Variants in SH2D3C observed in about 807,000 individuals in gnomAD.
SH2D3C encodes the protein SH2 domain-containing protein 3C.
SH2D3C carries 25 observed loss-of-function variants against 75.2 expected under a neutral mutation model. The ratio of observed to expected loss-of-function variants is 0.33; its 90% CI spans 0.24 to 0.46. The LOEUF (loss-of-function observed/expected upper bound fraction) is 0.46, where lower values mean the gene tolerates loss of function less well. Ranked by LOEUF, SH2D3C falls within the 20% of genes least tolerant of loss-of-function variation. The pLI is 1.00. For missense variants in SH2D3C, 933 were observed against 1,165.3 expected, an observed-to-expected ratio of 0.80 and a Z score of 2.90; for synonymous variants, 450 against 473.7, an observed-to-expected ratio of 0.95 and a Z score of 0.65.
In SH2D3C at chr9:127,740,291, T is replaced by G; in HGVS notation, c.2167A>C (p.Lys723Gln). Residue 723 changes from lysine to glutamine, a missense_variant, in exon 10 of 12, where the codon AAG (lysine) becomes CAG (glutamine). Lys to Gln is a moderately conservative substitution (Grantham distance 53). Coordinates refer to ENST00000314830, the MANE Select transcript of SH2D3C (RefSeq NM_170600.3). Reference protein sequence around the residue: ...EGAILYEKKLKPFLKSLNEGK... With the variant: ...EGAILYEKKLQPFLKSLNEGK... ...TCGTTGAGGCTCTTGAGAAAAGGCT[T>G]GAGCTTCTTCTCGTACAGGATGGCA... 1 of 1,614,096 alleles carries G rather than the reference T, an allele frequency of 6.2e-7. No individual in the cohort carries two copies. Among genetic ancestry groups the G allele is most frequent in the Non-Finnish European group, 8.5e-7 (1 of 1,179,980 alleles).
chr9:127,758,008 G>A (rs1293252413), intron 3 of SH2D3C, among the ~76,000 whole-genome samples: 5 of 152,176 alleles, frequency 3.3e-5, no homozygotes, highest in Non-Finnish European at 2.9e-5. Flanking sequence ...TGGCCAGGGT[G>A]TTCTCAAACT....
chr9:127,756,194 C>A (rs1052292774), intron 3 of SH2D3C, among the ~76,000 whole-genome samples: 1 of 152,192 alleles, frequency 6.6e-6, no homozygotes, highest in Admixed American at 6.5e-5. Context: ...CCCAGCTACT[C>A]AGGAGGCTGA....
At chr9:127,777,948 G>A (rs1829055996) in intron 1 of SH2D3C, among the ~76,000 whole-genome samples, 3 of 148,798 alleles carry the variant, frequency 2.0e-5, no homozygotes, top group African/African-American at 5.1e-5. Context: ...ACCCACCCCG[G>A]TCTCTAAAAA....
intron 3 of SH2D3C, 26 bp downstream of exon 3, chr9:127,761,585 A>C: frequency 6.3e-7 from 1 of 1,587,944 alleles, no homozygotes; most frequent in Non-Finnish European, 8.6e-7. Flanking sequence ...GTGTCCTCTG[A>C]CCAACCCCTG....
chr9:127,767,460 G>A, intron 2 of SH2D3C: 1 of 268,150 alleles, frequency 3.7e-6, no homozygotes, highest in Non-Finnish European at 5.7e-6. Context: ...TACATGGGCG[G>A]ACTCCCCCAG....
chr9:127,766,903 A>C lies in SH2D3C; in HGVS notation c.516-5253T>G, dbSNP rs531596747. On this transcript the variant is annotated intron_variant, in intron 2 of 11. Transcript: ENST00000314830. ...CCTTCACGCCCATCTTCACTCACCC[A>C]CCGCAGAGAAGCAACGGGCACCTGC... is the stretch of plus-strand genomic sequence containing the variant. 1.2e-5 allele frequency: 18 copies of C among 1,525,028 alleles called. No individual in the cohort carries two copies. In the African/African-American group the frequency reaches 2.1e-4, roughly 17 times the overall value. 94.5% of individuals were successfully genotyped at this position (1,525,028 alleles called of 1,614,324 possible).
chr9:127,771,966 T>C (rs557738497), intron 2 of SH2D3C, among the ~76,000 whole-genome samples: 1 of 152,336 alleles, frequency 6.6e-6, no homozygotes, highest in Non-Finnish European at 1.5e-5. Context: ...TAGATGCTAT[T>C]GTTACGTCCA....
chr9:127,741,778 C>T lies in SH2D3C; in HGVS notation c.2088+10G>A. On this transcript the variant is annotated intron_variant, in intron 9 of 11. Coordinates refer to ENST00000314830, the MANE Select transcript of SH2D3C (RefSeq NM_170600.3). ...TCTACCGGGTGCCAGCTCTGCGCGG[C>T]TCTCAGTACCTGGGCCATGTCCAGG... 1 of 1,612,252 alleles carries T rather than the reference C, an allele frequency of 6.2e-7. No homozygotes were observed. The highest frequency in any genetic ancestry group is 1.1e-5 in the South Asian group (1 of 90,944).
In SH2D3C at chr9:127,754,834, A is replaced by C; in HGVS notation, c.556-3534T>G. On this transcript the variant is annotated intron_variant, in intron 3 of 11. Coordinates refer to ENST00000314830, the MANE Select transcript of SH2D3C (RefSeq NM_170600.3). The surrounding 1 kb of genome is among the most constrained non-coding windows in gnomAD (Gnocchi z 4.4). Reference sequence around the variant, plus strand: ...CCTCCTGCGGAGGAGGCAGAAACGGACCGGCATCTACCGCAGCCCAGAGTC... The same window carrying C: ...CCTCCTGCGGAGGAGGCAGAAACGGCCCGGCATCTACCGCAGCCCAGAGTC... 1.0e-5 allele frequency: 5 copies of C among 491,760 alleles called. No homozygotes were observed. Among genetic ancestry groups the C allele is most frequent in the South Asian group, 7.7e-5 (5 of 64,662 alleles). 30.5% of individuals were successfully genotyped at this position (491,760 alleles called of 1,614,324 possible).
chr9:127,738,936 C>A lies in SH2D3C; in HGVS notation c.2408-15G>T. 1.3e-6 allele frequency: 2 copies of A among 1,553,158 alleles called. No homozygotes were observed. Among genetic ancestry groups the A allele is most frequent in the South Asian group, 1.2e-5 (1 of 83,716 alleles). On this transcript the variant is annotated splice_polypyrimidine_tract_variant and intron_variant, in intron 11 of 11. Transcript: ENST00000314830. The surrounding 1 kb of genome is among the most constrained non-coding windows in gnomAD (Gnocchi z 5.0). ...GGCCTGGAACCCTGCAGTGTTGGGG[C>A]ATAGGGTCAGGGCAGAGGCTGGGGT... is the stretch of plus-strand genomic sequence containing the variant.
intron 2 of SH2D3C, among the ~76,000 whole-genome samples, chr9:127,766,718 C>A (rs541093707): frequency 2.0e-5 from 3 of 152,126 alleles, no homozygotes; most frequent in African/African-American, 7.2e-5. Flanking sequence ...TACAGGTCTG[C>A]GCCACCACGC....
rs758394286 is a variant in SH2D3C at position 127,744,984 on chromosome 9, A to G, written c.1380T>C (p.His460=). ...TGTGGGGGCCCTTGTCTGACTCCCC[A>G]TGGGTCTTTGGGGCACTTCCGGGAC... ...QLCPGSAPKT[H]GESDKGPHTS... is the part of the protein sequence containing the mutation. Residue 460 remains histidine (H), a synonymous_variant, in exon 7 of 12, where the codon CAT becomes CAC. Coordinates refer to ENST00000314830, the MANE Select transcript of SH2D3C (RefSeq NM_170600.3). 1.3e-6 allele frequency: 2 copies of G among 1,535,806 alleles called. No homozygotes were observed. Among genetic ancestry groups the G allele is most frequent in the Admixed American group, 2.0e-5 (1 of 49,198 alleles).
chr9:127,739,483 C>T lies in SH2D3C; in HGVS notation c.2407+199G>A, dbSNP rs1248702982. On this transcript the variant is annotated intron_variant, in intron 11 of 11. Coordinates refer to ENST00000314830, the MANE Select transcript of SH2D3C (RefSeq NM_170600.3). The surrounding 1 kb of genome is among the most constrained non-coding windows in gnomAD (Gnocchi z 4.3). ...CGAGACTGTGCCACTGCACTCCAGC[C>T]TGGGCGACAGTGTGAGACTCCATCT... Among the ~76,000 whole-genome samples the T allele has an allele frequency of 6.6e-6, 1 of 151,688 alleles. No individual in the cohort carries two copies. The highest frequency in any genetic ancestry group is 2.4e-5 in the African/African-American group (1 of 41,246).
In SH2D3C at chr9:127,754,947, G is replaced by A. The variant is rs1845324191; in HGVS notation, c.556-3647C>T. The A allele has an allele frequency of 3.8e-6, 2 of 522,694 alleles. No individual in the cohort carries two copies. Among genetic ancestry groups the A allele is most frequent in the Admixed American group, 5.3e-5 (2 of 37,840 alleles). 32.4% of individuals were successfully genotyped at this position (522,694 alleles called of 1,614,324 possible). On this transcript the variant is annotated intron_variant, in intron 3 of 11. Coordinates refer to ENST00000314830, the MANE Select transcript of SH2D3C (RefSeq NM_170600.3). The surrounding 1 kb of genome is among the most constrained non-coding windows in gnomAD (Gnocchi z 4.4). Reference sequence around the variant, plus strand: ...GTGACCCCGCCCCCTCCCCGGGTCGGCCGGGCCCAGCCCAGCCCGACCCTG... The same window carrying A: ...GTGACCCCGCCCCCTCCCCGGGTCGACCGGGCCCAGCCCAGCCCGACCCTG...
In SH2D3C at chr9:127,747,268, C is replaced by T. The variant is rs760750693; in HGVS notation, c.1143G>A (p.Thr381=). Residue 381 remains threonine, a synonymous_variant, in exon 6 of 12, where the codon ACG becomes ACA. Coordinates refer to ENST00000314830, the MANE Select transcript of SH2D3C (RefSeq NM_170600.3). ...VTRSDGCPTS[T]SLPRPRDSIR... is the part of the protein sequence containing the mutation. ...TGGAGTCCCGAGGGCGGGGCAGCGA[C>T]GTACTGTGGAGCAGACACCATCATG... 40 of 1,612,160 alleles carry T rather than the reference C, an allele frequency of 2.5e-5. No individual in the cohort carries two copies. In the East Asian group the frequency reaches 4.9e-4, roughly 20 times the overall value.
At chr9:127,768,960 T>C (rs1180354647) in intron 2 of SH2D3C, among the ~76,000 whole-genome samples, 2 of 152,260 alleles carry the variant, frequency 1.3e-5, no homozygotes, top group African/African-American at 4.8e-5. Flanking sequence ...TGAGCCTTTC[T>C]TTCTGGCTAA....
At chr9:127,763,239 C>T (rs898573267) in intron 2 of SH2D3C, among the ~76,000 whole-genome samples, 2 of 152,214 alleles carry the variant, frequency 1.3e-5, no homozygotes, top group Non-Finnish European at 1.5e-5. Flanking sequence ...GTCCCTCATT[C>T]CTTCACTCTG....
chr9:127,742,610 AT>A, intron 8 of SH2D3C: 1 of 451,004 alleles, frequency 2.2e-6, no homozygotes, highest in East Asian at 3.7e-5. Flanking sequence ...GGTCAAGGGG[AT>A]GACTGGTCAA....
chr9:127,750,886 C>G (rs1845182661), intron 4 of SH2D3C, among the ~76,000 whole-genome samples: 1 of 152,184 alleles, frequency 6.6e-6, no homozygotes, highest in Non-Finnish European at 1.5e-5. Flanking sequence ...GAACAAAGGC[C>G]AACATTCATG....
Sources: allele counts gnomAD v4.1 joint callset (sites outside exome capture counted in the v4.1 genomes callset), GRCh38; gene constraint gnomAD v4.1.1; non-coding constraint Gnocchi (gnomAD v3.1); transcripts MANE v1.5; gene names NCBI Gene and HGNC (gene_info 2026-07-23, HGNC 2026-07-21).